Variants in C8orf34 observed in about 807,000 individuals in gnomAD.
C8orf34 encodes the protein chromosome 8 open reading frame 34.
C8orf34 carries 65 observed loss-of-function variants against 68.3 expected under a neutral mutation model. The observed-to-expected ratio is 0.95, with a 90% confidence interval of 0.78 to 1.17. The LOEUF is 1.17. Among genes scored for constraint, C8orf34 ranks in the 50% most tolerant of loss-of-function variants. The pLI is 0.00. For missense variants in C8orf34, 664 were observed against 655.4 expected, an observed-to-expected ratio of 1.01 and a Z score of -0.14; for synonymous variants, 244 against 241.2, an observed-to-expected ratio of 1.01 and a Z score of -0.11.
rs111444786 is a variant in C8orf34 at position 68,385,727 on chromosome 8, G to A, written c.328-53772G>A. Among the ~76,000 whole-genome samples, 759 of 152,178 alleles carry A rather than the reference G, an allele frequency of 5.0e-3. 12 individuals carry two copies. The highest frequency in any genetic ancestry group is 0.018 in the African/African-American group (735 of 41,524). On this transcript the variant is annotated intron_variant, in intron 1 of 13. Transcript: ENST00000518698. ...AGATTTGTATAAGATGGAGAAATGT[G>A]GAATTAGTGATAGTGCAGCCATTTG...
intron 5 of C8orf34, among the ~76,000 whole-genome samples, chr8:68,521,501 C>T (rs531445467): frequency 1.3e-4 from 20 of 152,272 alleles, no homozygotes; most frequent in African/African-American, 4.8e-4. Context: ...CTGTTTACAA[C>T]ACACTCTTCC....
intron 5 of C8orf34, among the ~76,000 whole-genome samples, chr8:68,515,152 T>A (rs2380471): frequency 1.3e-5 from 2 of 152,072 alleles, no homozygotes; most frequent in African/African-American, 4.8e-5. Flanking sequence ...CTTAAATATA[T>A]ACAATTTTTG....
Position 68,617,956 on chromosome 8 carries a change from C to G in C8orf34, c.1106-22420C>G, listed in dbSNP as rs1586460273. ...GTAGATTTGGTCTTTTCACATAGTCCCATATTTCTTGGAGGCTTTGTTCGT... is the reference window on the plus strand; with the variant it reads ...GTAGATTTGGTCTTTTCACATAGTCGCATATTTCTTGGAGGCTTTGTTCGT... On this transcript the variant is annotated intron_variant, in intron 7 of 13. Coordinates refer to ENST00000518698, the MANE Select transcript of C8orf34 (RefSeq NM_052958.4). Among the ~76,000 whole-genome samples the G allele has an allele frequency of 2.0e-5, 3 of 152,204 alleles. No homozygotes were observed. The East Asian group carries it at 5.8e-4, about 29-fold the overall frequency.
At chr8:68,774,655 A>G (rs1334152021) in intron 10 of C8orf34, among the ~76,000 whole-genome samples, 1 of 152,004 alleles carries the variant, frequency 6.6e-6, no homozygotes, top group African/African-American at 2.4e-5. Flanking sequence ...TTTGGGGAAT[A>G]CCAGCATTCT....
intron 6 of C8orf34, among the ~76,000 whole-genome samples, chr8:68,529,496 T>G (rs1055864918): frequency 1.3e-5 from 2 of 152,256 alleles, no homozygotes; most frequent in Non-Finnish European, 2.9e-5. Flanking sequence ...TAGCAAAACC[T>G]GATCTGAACC....
intron 7 of C8orf34, among the ~76,000 whole-genome samples, chr8:68,612,345 C>A (rs1818048194): frequency 6.6e-6 from 1 of 152,064 alleles, no homozygotes; most frequent in African/African-American, 2.4e-5. Context: ...TGTTAAACAA[C>A]TTGCCCCAAA....
At chr8:68,529,479 T>A (rs1398867483) in intron 6 of C8orf34, among the ~76,000 whole-genome samples, 4 of 152,254 alleles carry the variant, frequency 2.6e-5, no homozygotes. Flanking sequence ...GTTTTCATAA[T>A]TCATTATAGC....
chr8:68,437,156 C>T (rs989190476), intron 1 of C8orf34, among the ~76,000 whole-genome samples: 7 of 152,084 alleles, frequency 4.6e-5, no homozygotes, highest in Non-Finnish European at 8.8e-5. Flanking sequence ...CAAATTTATC[C>T]AAAATAGTTA....
At chr8:68,342,762 T>A (rs75968670) in intron 1 of C8orf34, among the ~76,000 whole-genome samples, 3,429 of 152,220 alleles carry the variant, frequency 0.023, 57 homozygotes, top group African/African-American at 0.043. Flanking sequence ...TTGTGGTATC[T>A]CAGTGCTTGA....
chr8:68,577,170 G>A (rs1462065674), intron 7 of C8orf34, among the ~76,000 whole-genome samples: 2 of 151,872 alleles, frequency 1.3e-5, no homozygotes, highest in Admixed American at 6.6e-5. Context: ...CCAAGGCGCA[G>A]GTATTGCTAA....
At chr8:68,776,123 A>G (rs1292426180) in intron 10 of C8orf34, among the ~76,000 whole-genome samples, 2 of 152,180 alleles carry the variant, frequency 1.3e-5, no homozygotes, top group Admixed American at 1.3e-4. Context: ...TATGTAACAA[A>G]CCTGCACGTC....
Position 68,657,965 on chromosome 8 carries a change from T to G in C8orf34, c.1241+17454T>G, listed in dbSNP as rs186532656. ...GATGGTTTTAAATTTTTTTTTATTA[T>G]GGTCTCAAATATTTACCATTTTTAT... On this transcript the variant is annotated intron_variant, in intron 8 of 13. Transcript: ENST00000518698. Among the ~76,000 whole-genome samples the G allele has an allele frequency of 4.5e-3, 678 of 152,354 alleles. 5 individuals carry two copies. Among genetic ancestry groups the G allele is most frequent in the South Asian group, 0.014 (69 of 4,830 alleles).
chr8:68,539,084 C>T (rs867135336), intron 7 of C8orf34, among the ~76,000 whole-genome samples: 2 of 152,106 alleles, frequency 1.3e-5, no homozygotes, highest in Non-Finnish European at 2.9e-5. Context: ...ATGTTTGAAG[C>T]AGCACAATTT....
chr8:68,671,249 A>G (rs1222627573), intron 8 of C8orf34, among the ~76,000 whole-genome samples: 1 of 152,172 alleles, frequency 6.6e-6, no homozygotes, highest in Non-Finnish European at 1.5e-5. Flanking sequence ...TAATTGCTTT[A>G]CAAAATCTGT....
chr8:68,636,629 C>T (rs1423017865), intron 7 of C8orf34, among the ~76,000 whole-genome samples: 1 of 152,080 alleles, frequency 6.6e-6, no homozygotes, highest in Non-Finnish European at 1.5e-5. Context: ...AATCTCCCTT[C>T]CTTTGGTCAC....
chr8:68,504,561 C>T (rs534844576), intron 5 of C8orf34, among the ~76,000 whole-genome samples: 37 of 152,140 alleles, frequency 2.4e-4, no homozygotes, highest in African/African-American at 8.9e-4. Flanking sequence ...GCTCTGTCAC[C>T]CAGGCTGGAG....
At chr8:68,752,830 A>G (rs1822747118) in intron 10 of C8orf34, among the ~76,000 whole-genome samples, 1 of 152,144 alleles carries the variant, frequency 6.6e-6, no homozygotes, top group Admixed American at 6.6e-5. Flanking sequence ...TACTTCATAG[A>G]TCAGAGACCA....
chr8:68,797,444 G>A (rs1315849963), intron 12 of C8orf34, among the ~76,000 whole-genome samples: 1 of 152,074 alleles, frequency 6.6e-6, no homozygotes, highest in Non-Finnish European at 1.5e-5. Context: ...GAGTGACACA[G>A]TTGATGCTAT....
At chr8:68,736,223 A>G (rs905593054) in intron 10 of C8orf34, among the ~76,000 whole-genome samples, 1 of 152,192 alleles carries the variant, frequency 6.6e-6, no homozygotes, top group African/African-American at 2.4e-5. Flanking sequence ...CTGTCAGTAA[A>G]ATAGACTGTA....
Sources: allele counts gnomAD v4.1 joint callset (sites outside exome capture counted in the v4.1 genomes callset), GRCh38; gene constraint gnomAD v4.1.1; transcripts MANE v1.5; gene names NCBI Gene and HGNC (gene_info 2026-07-23, HGNC 2026-07-21).